The following LINGO2 variants were observed in gnomAD, a reference collection of about 807,000 sequenced individuals.
LINGO2 encodes the protein leucine-rich repeat and immunoglobulin-like domain-containing nogo receptor-interacting protein 2.
A neutral mutation model predicts 30.6 loss-of-function variants in LINGO2; 14 were observed. That is an observed-to-expected ratio of 0.46 (90% CI 0.30 to 0.72). LINGO2 has a LOEUF of 0.72. Ranked by LOEUF, LINGO2 falls within the 30% of genes least tolerant of loss-of-function variation. LINGO2 has a pLI of 0.07. For missense variants in LINGO2, 729 were observed against 751.7 expected, an observed-to-expected ratio of 0.97 and a Z score of 0.35; for synonymous variants, 317 against 288.5, an observed-to-expected ratio of 1.10 and a Z score of -1.00.
chr9:28,997,593 G>C, the LINGO2 span, among the ~76,000 whole-genome samples: 3 of 152,142 alleles, frequency 2.0e-5, no homozygotes, highest in Non-Finnish European at 2.9e-5. Context: ...GGAGGCCAAG[G>C]CTGGCGGATC....
chr9:29,046,383 T>TCCCCC, the LINGO2 span, among the ~76,000 whole-genome samples: 2 of 152,162 alleles, frequency 1.3e-5, no homozygotes, highest in South Asian at 4.1e-4. Flanking sequence ...AACAGCACAA[T>TCCCCC]ACTTGTACAA....
intron 1 of LINGO2, among the ~76,000 whole-genome samples, chr9:28,546,337 G>C (rs1029949804): frequency 1.3e-5 from 2 of 152,000 alleles, no homozygotes; most frequent in Admixed American, 6.6e-5. Flanking sequence ...TGTGACATGG[G>C]AGCCTTCAGC....
intron 1 of LINGO2, among the ~76,000 whole-genome samples, chr9:28,516,852 T>A (rs567329412): frequency 6.6e-6 from 1 of 152,180 alleles, no homozygotes; most frequent in Non-Finnish European, 1.5e-5. Context: ...CCAGACTCTA[T>A]GAGATATCTG....
the LINGO2 span, among the ~76,000 whole-genome samples, chr9:28,797,248 A>G: frequency 1.3e-3 from 190 of 150,174 alleles, 1 homozygote; most frequent in African/African-American, 4.3e-3. Flanking sequence ...AACAGAAAAT[A>G]TACTTTATCC....
At chr9:28,393,747 G>A (rs1349126779) in intron 2 of LINGO2, among the ~76,000 whole-genome samples, 1 of 152,170 alleles carries the variant, frequency 6.6e-6, no homozygotes, top group African/African-American at 2.4e-5. Context: ...CTTTCTGCTC[G>A]ATGTCTTTCT....
At chr9:29,047,731 C>T in the LINGO2 span, among the ~76,000 whole-genome samples, 3 of 152,136 alleles carry the variant, frequency 2.0e-5, no homozygotes, top group African/African-American at 7.2e-5. Context: ...AACCTAAAGA[C>T]TCCACAAGAA....
At chr9:29,050,173 G>C in the LINGO2 span, among the ~76,000 whole-genome samples, 6 of 152,076 alleles carry the variant, frequency 3.9e-5, no homozygotes, top group African/African-American at 1.2e-4. Context: ...TTACAGGTAC[G>C]CACCACCAGG....
the LINGO2 span, among the ~76,000 whole-genome samples, chr9:28,771,452 GGTGTGTGTGTGTGTGTGT>G: frequency 0.061 from 7,378 of 120,254 alleles, 685 homozygotes; most frequent in African/African-American, 0.2. Flanking sequence ...TTTCCTATTT[GGTGTGTGTGTGTGTGTGT>G]GTGTGTGTGT....
At chr9:28,969,398 G>A in the LINGO2 span, among the ~76,000 whole-genome samples, 3 of 152,296 alleles carry the variant, frequency 2.0e-5, no homozygotes, top group Non-Finnish European at 2.9e-5. Context: ...TGAGACTGAA[G>A]CAGGGCTAGG....
At chr9:29,073,444 C>T in the LINGO2 span, among the ~76,000 whole-genome samples, 29,103 of 152,032 alleles carry the variant, frequency 0.19, 2,898 homozygotes, top group South Asian at 0.24. Context: ...CAAATTCAAC[C>T]TGCCACCTGT....
In LINGO2 at chr9:28,307,416, G is replaced by A. The variant is rs573437354; in HGVS notation, c.-245-12050C>T. Among the ~76,000 whole-genome samples, 5 of 152,242 alleles carry A rather than the reference G, an allele frequency of 3.3e-5. No individual in the cohort carries two copies. In the South Asian group the frequency reaches 1.0e-3, roughly 32 times the overall value. ...AAAAACTCTCAATAAATTAGGTATT[G>A]ATGGGACGTATCTCAAAACAATAAG... On this transcript the variant is annotated intron_variant, in intron 3 of 5. Coordinates refer to ENST00000379992, the Ensembl canonical transcript of LINGO2.
At chr9:28,102,339 T>C (rs1462411154) in intron 4 of LINGO2, among the ~76,000 whole-genome samples, 1 of 152,016 alleles carries the variant, frequency 6.6e-6, no homozygotes, top group Non-Finnish European at 1.5e-5. Context: ...TAAATTCAAG[T>C]ATTAATTCTG....
At chr9:28,730,327 G>C in the LINGO2 span, among the ~76,000 whole-genome samples, 1 of 152,164 alleles carries the variant, frequency 6.6e-6, no homozygotes, top group Non-Finnish European at 1.5e-5. Context: ...TATCTGTTTA[G>C]GGCTGTCATT....
the LINGO2 span, among the ~76,000 whole-genome samples, chr9:28,725,452 G>A: frequency 2.0e-5 from 3 of 151,280 alleles, no homozygotes; most frequent in Non-Finnish European, 4.4e-5. Context: ...AATGAACAAC[G>A]TATCACCGTT....
chr9:28,964,502 AC>A, the LINGO2 span, among the ~76,000 whole-genome samples: 1 of 152,000 alleles, frequency 6.6e-6, no homozygotes, highest in African/African-American at 2.4e-5. Context: ...GTTTGGGCAG[AC>A]TATTTAGGAC....
In LINGO2 at chr9:28,060,887, C is replaced by T. The variant is rs76780719; in HGVS notation, c.-86-48482G>A. On this transcript the variant is annotated intron_variant, in intron 4 of 5. Transcript: ENST00000379992. The stretch of plus-strand genomic sequence containing the variant: ...CTTCTTTTCTTGGAAATGCCATGCT[C>T]CTTTCTCTTCAGGGTTTACAGATAC... Among the ~76,000 whole-genome samples the T allele has an allele frequency of 7.9e-3, 1,199 of 152,084 alleles. 14 individuals carry two copies. Among genetic ancestry groups the T allele is most frequent in the African/African-American group, 0.027 (1,114 of 41,496 alleles).
the LINGO2 span, among the ~76,000 whole-genome samples, chr9:28,809,587 T>C: frequency 3.3e-5 from 5 of 151,760 alleles, no homozygotes; most frequent in Admixed American, 2.0e-4. Flanking sequence ...CTACTAAAAA[T>C]ACAACAAAAT....
At chr9:28,545,145 C>G (rs1452674569) in intron 1 of LINGO2, among the ~76,000 whole-genome samples, 1 of 152,054 alleles carries the variant, frequency 6.6e-6, no homozygotes, top group Non-Finnish European at 1.5e-5. Flanking sequence ...TACACCCAAA[C>G]TCACTTTTTC....
Position 28,492,832 on chromosome 9 carries a change from AAAC to A in LINGO2, c.-364-16810_-364-16808del, listed in dbSNP as rs750571371. Among the ~76,000 whole-genome samples, 44 of 151,960 alleles carry A rather than the reference AAAC, an allele frequency of 2.9e-4. 1 individual carries two copies. Among genetic ancestry groups the A allele is most frequent in the Non-Finnish European group, 4.4e-4 (30 of 68,004 alleles). On this transcript the variant is annotated intron_variant, in intron 1 of 5. Coordinates refer to ENST00000379992, the Ensembl canonical transcript of LINGO2. ...GAACTGCAAAGGACTCCTAAAAGAA[AAAC>A]AACAACAACAACAACAAAAAAACGG...
Sources: gnomAD v4.1 joint callset for allele counts (sites outside exome capture counted in the v4.1 genomes callset) on GRCh38, gnomAD v4.1.1 for gene constraint, MANE v1.5 for transcripts, NCBI Gene and HGNC (gene_info 2026-07-23, HGNC 2026-07-21) for gene names.